The following CSMD2 variants were observed in gnomAD, a reference collection of about 807,000 sequenced individuals.
CSMD2 encodes CUB and sushi domain-containing protein 2.
A neutral mutation model predicts 398.5 loss-of-function variants in CSMD2; 130 were observed. That is an observed-to-expected ratio of 0.33 (90% CI 0.28 to 0.38). The LOEUF (loss-of-function observed/expected upper bound fraction) is 0.38. Ranked by LOEUF, CSMD2 falls within the 10% of genes least tolerant of loss-of-function variation. CSMD2 has a pLI of 1.00. For missense variants in CSMD2, 3,829 were observed against 4,764.9 expected (o/e 0.80, Z 5.78); for synonymous variants, 1,828 against 1,908.5 (o/e 0.96, Z 1.10).
At chr1:34,001,089 G>A (rs1186756241) in intron 3 of CSMD2, among the ~76,000 whole-genome samples, 1 of 151,282 alleles carries the variant, frequency 6.6e-6, no homozygotes, top group Non-Finnish European at 1.5e-5. Flanking sequence ...GGAGAAGGAG[G>A]AATGAATTAA....
chr1:34,004,479 T>G (rs1224776017), intron 3 of CSMD2, among the ~76,000 whole-genome samples: 1 of 152,232 alleles, frequency 6.6e-6, no homozygotes, highest in Non-Finnish European at 1.5e-5. Context: ...TTGTTTGTTT[T>G]TGTTTTTTGC....
chr1:33,570,156 C>T (rs1027674137), intron 51 of CSMD2, among the ~76,000 whole-genome samples: 3 of 144,374 alleles, frequency 2.1e-5, no homozygotes, highest in Non-Finnish European at 3.0e-5. Context: ...TCATGAATCA[C>T]GGACATTGGC....
At chr1:34,005,087 C>G (rs1244236535) in intron 3 of CSMD2, among the ~76,000 whole-genome samples, 2 of 152,170 alleles carry the variant, frequency 1.3e-5, no homozygotes, top group Non-Finnish European at 2.9e-5. Flanking sequence ...GAACAGAGTT[C>G]CCATTTAAAG....
At chr1:33,770,338 G>T (rs1249730446) in intron 13 of CSMD2, among the ~76,000 whole-genome samples, 1 of 152,216 alleles carries the variant, frequency 6.6e-6, no homozygotes, top group Admixed American at 6.5e-5. Context: ...AGTCATCTCA[G>T]TGTACCAGGC....
intron 27 of CSMD2, among the ~76,000 whole-genome samples, chr1:33,656,631 G>A (rs1643954834): frequency 2.6e-5 from 4 of 152,318 alleles, no homozygotes; most frequent in Middle Eastern, 6.8e-3. Context: ...GTCTCAGGAA[G>A]CCCCTTACAC....
intron 13 of CSMD2, among the ~76,000 whole-genome samples, chr1:33,770,632 G>T (rs1651131670): frequency 6.6e-6 from 1 of 152,212 alleles, no homozygotes; most frequent in Non-Finnish European, 1.5e-5. Context: ...TGATGGAAGG[G>T]CCTGGGGATG....
intron 3 of CSMD2, among the ~76,000 whole-genome samples, chr1:33,952,584 C>G (rs1645039760): frequency 6.6e-6 from 1 of 152,064 alleles, no homozygotes; most frequent in Non-Finnish European, 1.5e-5. Flanking sequence ...TTAATCCAAC[C>G]TCAGCTATTC....
intron 5 of CSMD2, among the ~76,000 whole-genome samples, chr1:33,854,987 G>C (rs1247992826): frequency 6.6e-6 from 1 of 152,200 alleles, no homozygotes; most frequent in Non-Finnish European, 1.5e-5. Context: ...TCAGCTGGCA[G>C]AGCTGATGGG....
At position 34,164,995 on chromosome 1, in the gene CSMD2, G is replaced by A; in HGVS notation, c.103C>T (p.Arg35Cys). The A allele has an allele frequency of 8.3e-7, 1 of 1,208,348 alleles. No individual in the cohort carries two copies. Among genetic ancestry groups the A allele is most frequent in the Non-Finnish European group, 1.0e-6 (1 of 973,236 alleles). The allele number at this position is 1,208,348 out of a possible 1,614,324, so 74.9% of individuals were successfully genotyped here. A position where few individuals can be genotyped will look rare whatever the true frequency, so the allele number is the denominator to read the frequency against. ...GTTGGCGGCGGCGGGCGGCCCCAGC[G>A]GCTCCCGGCGCCCGGCACAAGCGCC... ...ISALVPGAGS[R>C]WGRPPPPTPP... The change falls in exon 1 of 71, where the codon CGC becomes TGC. Residue 35 changes from arginine to cysteine, a missense_variant. Arg to Cys is a radical substitution (Grantham distance 180). Around this residue, in one of 5 missense-constraint regions of CSMD2, gnomAD observed 184 missense variants for 217.7 expected, o/e 0.85. Transcript: ENST00000373381. The surrounding 1 kb of genome is among the most constrained non-coding windows in gnomAD (Gnocchi z 6.2).
At chr1:33,864,457 A>C in intron 5 of CSMD2, 1 of 1,613,836 alleles carries the variant, frequency 6.2e-7, no homozygotes, top group Non-Finnish European at 8.5e-7. Context: ...AGAAAGCGGG[A>C]TCCCCAGGAA....
At chr1:33,585,561 G>A (rs1394636515) in intron 46 of CSMD2, among the ~76,000 whole-genome samples, 1 of 152,126 alleles carries the variant, frequency 6.6e-6, no homozygotes, top group Non-Finnish European at 1.5e-5. Context: ...GAGGAAACTC[G>A]CTTAGCTTTG....
At chr1:34,093,104 AC>A (rs1443111286) in intron 1 of CSMD2, among the ~76,000 whole-genome samples, 20 of 151,940 alleles carry the variant, frequency 1.3e-4, no homozygotes, top group Non-Finnish European at 1.2e-4. Context: ...CTGACCCCTG[AC>A]CCCCGAGCAG....
In CSMD2 at chr1:33,891,202, AG is replaced by A. The variant is rs914794209; in HGVS notation, c.920+26891del. Among the ~76,000 whole-genome samples, 294 of 89,356 alleles carry A rather than the reference AG, an allele frequency of 3.3e-3. 3 individuals carry two copies. Among genetic ancestry groups the A allele is most frequent in the African/African-American group, 8.0e-3 (245 of 30,578 alleles). 58.6% of individuals were successfully genotyped at this position (89,356 alleles called of 152,430 possible). ...TACAATGAACTCAAACAAATTTACA[AG>A]AAAAAAAAAACAACCCCATCAAAAA... On this transcript the variant is annotated intron_variant, in intron 5 of 70. Transcript: ENST00000373381.
intron 15 of CSMD2, among the ~76,000 whole-genome samples, chr1:33,727,640 G>A (rs568049197): frequency 3.3e-5 from 5 of 152,176 alleles, no homozygotes; most frequent in Admixed American, 2.0e-4. Flanking sequence ...TTCCTTTTCC[G>A]GCCTCGGTAA....
At chr1:33,796,508 T>C (rs933574722) in intron 10 of CSMD2, among the ~76,000 whole-genome samples, 44 of 152,382 alleles carry the variant, frequency 2.9e-4, no homozygotes, top group African/African-American at 1.0e-3. Context: ...AAATTAATAC[T>C]TTTATAATTT....
chr1:33,847,454 T>G (rs1638346321), intron 5 of CSMD2, among the ~76,000 whole-genome samples: 1 of 151,966 alleles, frequency 6.6e-6, no homozygotes, highest in Non-Finnish European at 1.5e-5. Context: ...AGATTTGGGT[T>G]CTTATCCAGG....
chr1:33,649,135 C>A (rs1202663133), intron 28 of CSMD2, among the ~76,000 whole-genome samples: 1 of 152,158 alleles, frequency 6.6e-6, no homozygotes, highest in Non-Finnish European at 1.5e-5. Context: ...AAGTATATAT[C>A]TAACAAAGGC....
intron 25 of CSMD2, among the ~76,000 whole-genome samples, chr1:33,680,145 C>T (rs1213575409): frequency 3.9e-5 from 4 of 103,824 alleles, no homozygotes; most frequent in East Asian, 5.5e-4. Flanking sequence ...AGGATGGCCT[C>T]GCCTTTTTTT....
chr1:34,032,900 C>T (rs1047063994), intron 2 of CSMD2, among the ~76,000 whole-genome samples, 194 bp from the exon 3 acceptor site: 3 of 152,172 alleles, frequency 2.0e-5, no homozygotes, highest in African/African-American at 4.8e-5. Flanking sequence ...GAAGTGACTC[C>T]GCCAAAGCCA....
Sources: gnomAD v4.1 joint callset for allele counts (sites outside exome capture counted in the v4.1 genomes callset) on GRCh38, gnomAD v4.1.1 for gene constraint, gnomAD v4.1.1 regional missense constraint, Gnocchi (gnomAD v3.1) non-coding constraint, MANE v1.5 for transcripts, NCBI Gene and HGNC (gene_info 2026-07-23, HGNC 2026-07-21) for gene names.